The following ZDHHC21 variants were observed in gnomAD, a reference collection of about 807,000 sequenced individuals.
ZDHHC21 encodes zDHHC palmitoyltransferase 21.
ZDHHC21 carries 15 observed loss-of-function variants against 34.6 expected under a neutral mutation model. The observed-to-expected ratio is 0.43, with a 90% CI of 0.29 to 0.67. The LOEUF (loss-of-function observed/expected upper bound fraction) is 0.67, where lower values mean the gene tolerates loss of function less well. ZDHHC21 is among the 30% of genes least tolerant of loss of function. The pLI is 0.14. For synonymous variants in ZDHHC21, 142 were observed against 101.8 expected (o/e 1.40, Z -2.38); for missense variants, 344 against 327.7 (o/e 1.05, Z -0.38).
intron 3 of ZDHHC21, among the ~76,000 whole-genome samples, chr9:14,678,530 T>C (rs1027441409): frequency 3.9e-5 from 6 of 152,050 alleles, no homozygotes; most frequent in African/African-American, 9.7e-5. Flanking sequence ...TATCCAATGT[T>C]AAGAGGGCAC....
chr9:14,662,960 A>G (rs1307394438), intron 5 of ZDHHC21, among the ~76,000 whole-genome samples: 1 of 152,184 alleles, frequency 6.6e-6, no homozygotes, highest in Non-Finnish European at 1.5e-5. Context: ...TTATAAGACA[A>G]CTACTATTTT....
At chr9:14,590,335 G>A in the ZDHHC21 span, among the ~76,000 whole-genome samples, 14 of 152,158 alleles carry the variant, frequency 9.2e-5, no homozygotes, top group South Asian at 2.3e-3. Context: ...GTGTTTAGGA[G>A]TAAGGAATTG....
downstream of ZDHHC21, among the ~76,000 whole-genome samples, chr9:14,609,476 G>T (rs112521138): frequency 1.5e-4 from 23 of 152,178 alleles, no homozygotes; most frequent in African/African-American, 4.6e-4. Context: ...ACTACTGACA[G>T]TATGTGGTTG....
At chr9:14,679,231 A>C (rs568263553) in intron 3 of ZDHHC21, among the ~76,000 whole-genome samples, 9 of 152,288 alleles carry the variant, frequency 5.9e-5, no homozygotes, top group African/African-American at 2.2e-4. Context: ...TGACATCTGC[A>C]ATTTACTTTG....
Position 14,616,781 on chromosome 9 carries a change from A to C in ZDHHC21, c.*2185T>G, listed in dbSNP as rs558286046. The C allele has an allele frequency of 5.9e-5, 9 of 152,030 alleles. No individual in the cohort carries two copies. Among genetic ancestry groups the C allele is most frequent in the Non-Finnish European group, 1.3e-4 (9 of 67,848 alleles). The allele number at this position is 152,030 out of a possible 1,614,324, so 9.4% of individuals were successfully genotyped here. A position where few individuals can be genotyped will look rare whatever the true frequency, so the allele number is the denominator to read the frequency against. On this transcript the variant is annotated 3_prime_UTR_variant, in exon 10 of 10. Coordinates refer to ENST00000380916, the MANE Select transcript of ZDHHC21 (RefSeq NM_178566.6). The stretch of plus-strand genomic sequence containing the variant: ...AGATAGCATTTCTGCATTCAAATAA[A>C]ATAAGTGTATGCTTTTCTAGTATAT...
At chr9:14,639,288 A>G (rs1828872936) in intron 8 of ZDHHC21, among the ~76,000 whole-genome samples, 1 of 152,112 alleles carries the variant, frequency 6.6e-6, no homozygotes, top group Admixed American at 6.6e-5. Flanking sequence ...TTTCTCACTC[A>G]TATGGGAGAG....
the ZDHHC21 span, among the ~76,000 whole-genome samples, chr9:14,600,157 G>A: frequency 2.0e-5 from 3 of 152,108 alleles, no homozygotes; most frequent in South Asian, 4.1e-4. Flanking sequence ...TCTAGCCAGG[G>A]CAATCAGGCA....
At chr9:14,638,561 T>C (rs988266638) in intron 8 of ZDHHC21, among the ~76,000 whole-genome samples, 4 of 151,894 alleles carry the variant, frequency 2.6e-5, no homozygotes, top group African/African-American at 9.7e-5. Context: ...ATTAAAAAGC[T>C]GTATAGTAAA....
chr9:14,608,870 T>G (rs1458424239), downstream of ZDHHC21, among the ~76,000 whole-genome samples: 1 of 152,186 alleles, frequency 6.6e-6, no homozygotes, highest in Admixed American at 6.5e-5. Context: ...TTTGCACTCT[T>G]ATAATACAAT....
chr9:14,680,025 A>AAACTTACC lies in ZDHHC21; in HGVS notation c.-46_-46+7dup, dbSNP rs1216964133. Reference sequence around the variant, plus strand: ...TATATCACCATGTAAAATCAAAAGCAAACTTACCACTTGCAAATTCACTGA... The same window carrying AAACTTACC: ...TATATCACCATGTAAAATCAAAAGCAAACTTACCAACTTACCACTTGCAAATTCACTGA... On this transcript the variant is annotated splice_region_variant and intron_variant, in intron 3 of 9. Transcript: ENST00000380916. 1 of 152,570 alleles carries AAACTTACC rather than the reference A, an allele frequency of 6.6e-6. No individual in the cohort carries two copies. The highest frequency in any genetic ancestry group is 2.4e-5 in the African/African-American group (1 of 41,436). 9.5% of individuals were successfully genotyped at this position (152,570 alleles called of 1,614,324 possible).
the ZDHHC21 span, among the ~76,000 whole-genome samples, chr9:14,605,069 A>G: frequency 2.0e-5 from 3 of 152,174 alleles, no homozygotes; most frequent in Non-Finnish European, 2.9e-5. Flanking sequence ...ATAACATTCC[A>G]TTGTACGTAT....
At position 14,683,507 on chromosome 9, in the gene ZDHHC21, T is replaced by C. The variant is rs371831468; in HGVS notation, c.-175-3345A>G. 4.3e-4 allele frequency: 66 copies of C among 152,202 alleles called. No individual in the cohort carries two copies. In the East Asian group the frequency reaches 9.1e-3, roughly 21 times the overall value. The allele number at this position is 152,202 out of a possible 1,614,324, so 9.4% of individuals were successfully genotyped here. ...CTCCCAAGACTAAACCAGGAAGAAG[T>C]GGAATCTCTGAATAGACCAATAACA... On this transcript the variant is annotated intron_variant, in intron 2 of 9. Transcript: ENST00000380916.
intron 5 of ZDHHC21, among the ~76,000 whole-genome samples, chr9:14,668,778 C>T (rs1240349727): frequency 3.8e-5 from 5 of 131,964 alleles, no homozygotes; most frequent in South Asian, 3.0e-4. Context: ...ATAAATGGTG[C>T]TGGGAAAACT....
chr9:14,601,177 G>C, the ZDHHC21 span, among the ~76,000 whole-genome samples: 1 of 152,152 alleles, frequency 6.6e-6, no homozygotes, highest in Non-Finnish European at 1.5e-5. Context: ...AAAAACTTCT[G>C]CACAGCAAAA....
chr9:14,670,238 A>G (rs902674301), intron 5 of ZDHHC21, among the ~76,000 whole-genome samples: 3 of 152,138 alleles, frequency 2.0e-5, no homozygotes, highest in South Asian at 4.1e-4. Context: ...TCTTCATTTT[A>G]TATCTAAAAT....
intron 7 of ZDHHC21, among the ~76,000 whole-genome samples, chr9:14,642,535 A>G (rs983269342): frequency 2.0e-5 from 3 of 152,194 alleles, no homozygotes; most frequent in African/African-American, 4.8e-5. Flanking sequence ...CAAAGCCTTT[A>G]AAGCAGTGAC....
intron 8 of ZDHHC21, among the ~76,000 whole-genome samples, chr9:14,634,821 C>T (rs1355048034): frequency 1.3e-5 from 2 of 152,044 alleles, no homozygotes; most frequent in South Asian, 4.2e-4. Context: ...CAAAGAAATA[C>T]AATAATTCTC....
chr9:14,625,353 G>A (rs1430738949), intron 8 of ZDHHC21, among the ~76,000 whole-genome samples: 2 of 151,996 alleles, frequency 1.3e-5, no homozygotes, highest in East Asian at 3.9e-4. Context: ...TCAGGGATCT[G>A]AAGTTCACAT....
intron 7 of ZDHHC21, among the ~76,000 whole-genome samples, chr9:14,644,883 G>C (rs113903119): frequency 0.012 from 1,774 of 151,266 alleles, 16 homozygotes; most frequent in Middle Eastern, 0.024. Flanking sequence ...AAATTGCTAA[G>C]CTGTTTCTTT....
Sources: gnomAD v4.1 joint callset for allele counts (sites outside exome capture counted in the v4.1 genomes callset) on GRCh38, gnomAD v4.1.1 for gene constraint, MANE v1.5 for transcripts, NCBI Gene and HGNC (gene_info 2026-07-23, HGNC 2026-07-21) for gene names.